FAM199X: variants seen among roughly 807,000 people sequenced by gnomAD.
The protein encoded by FAM199X is family with sequence similarity 199, X-linked.
Under a neutral mutation model 22.9 loss-of-function variants are expected in FAM199X, and 4 were observed. The ratio of observed to expected loss-of-function variants is 0.17; its 90% CI spans 0.09 to 0.40. The LOEUF (loss-of-function observed/expected upper bound fraction) is 0.40. Among genes scored for constraint, FAM199X ranks in the 10% least tolerant of loss-of-function variants. The pLI is 1.00. For missense variants in FAM199X, 183 were observed against 306.8 expected (o/e 0.60, Z 3.01); for synonymous variants, 101 against 112.3 (o/e 0.90, Z 0.64).
At chrX:104,184,664 T>C (rs377265793) in intron 2 of FAM199X, among the ~76,000 whole-genome samples, 1 of 111,778 alleles carries the variant, frequency 8.9e-6, no homozygotes, top group Non-Finnish European at 1.9e-5. Flanking sequence ...AGGCTTGCTT[T>C]TATTCCTCCT....
At chrX:104,159,379 T>C in the FAM199X span, among the ~76,000 whole-genome samples, 17 of 112,650 alleles carry the variant, frequency 1.5e-4, no homozygotes, top group South Asian at 3.7e-4. Flanking sequence ...CTGGGCATCT[T>C]GCCCTAATGG....
At chrX:104,179,529 A>G (rs1556377304) in intron 2 of FAM199X, among the ~76,000 whole-genome samples, 1 of 112,194 alleles carries the variant, frequency 8.9e-6, no homozygotes, top group Non-Finnish European at 1.9e-5. Flanking sequence ...GTTAGATTTA[A>G]TAATTTTTTC....
At chrX:104,173,155 G>C (rs1430414001) in intron 1 of FAM199X, among the ~76,000 whole-genome samples, 5 of 110,920 alleles carry the variant, frequency 4.5e-5, no homozygotes, top group African/African-American at 1.6e-4. Flanking sequence ...ACTTTTTGTA[G>C]AGATACTGTC....
intron 1 of FAM199X, among the ~76,000 whole-genome samples, chrX:104,173,909 A>T (rs1036683963): frequency 1.8e-5 from 2 of 112,348 alleles, no homozygotes; most frequent in Non-Finnish European, 3.7e-5. Context: ...ATAGGAAAAC[A>T]CCATAGCGAA....
At chrX:104,178,926 G>A (rs782117523) in intron 2 of FAM199X, among the ~76,000 whole-genome samples, 6 of 111,201 alleles carry the variant, frequency 5.4e-5, no homozygotes, top group South Asian at 7.6e-4. Flanking sequence ...CCAGGAGTTC[G>A]AAACCAGCCT....
At position 104,176,344 on chromosome X, in the gene FAM199X, T is replaced by C. The variant is rs782453373; in HGVS notation, c.417+502T>C. 5.3e-5 allele frequency among the ~76,000 whole-genome samples: 6 copies of C among 112,468 alleles called. No individual in the cohort carries two copies. In the South Asian group the frequency reaches 2.2e-3, roughly 40 times the overall value. On this transcript the variant is annotated intron_variant, in intron 2 of 5. Transcript: ENST00000493442. ...CTTTTTTCTTGTGGCATATATACCATGTAAAATGGCTTTGTGGTAAATTGT... is the reference window on the plus strand; with the variant it reads ...CTTTTTTCTTGTGGCATATATACCACGTAAAATGGCTTTGTGGTAAATTGT...
chrX:104,165,228 G>T (rs1305130744), upstream of FAM199X, among the ~76,000 whole-genome samples: 3 of 112,589 alleles, frequency 2.7e-5, no homozygotes, highest in Non-Finnish European at 5.6e-5. Context: ...AAGAAAGCCG[G>T]CATGCTCAAC....
intron 2 of FAM199X, among the ~76,000 whole-genome samples, chrX:104,183,528 G>A (rs1921715169): frequency 9.1e-6 from 1 of 109,530 alleles, no homozygotes; most frequent in Non-Finnish European, 1.9e-5. Context: ...GCAGTGGCAC[G>A]ATCTCGGCTC....
Position 104,188,757 on chromosome X carries a change from A to G in FAM199X, c.996+451A>G, listed in dbSNP as rs549566828. On this transcript the variant is annotated intron_variant, in intron 5 of 5. Transcript: ENST00000493442. ...CTAATTTAAAAATCTAATACTTTCT[A>G]TAATTTCTGTCTACTCTTTTCACAG... 2.7e-4 allele frequency among the ~76,000 whole-genome samples: 30 copies of G among 111,217 alleles called. No homozygotes were observed. The South Asian group carries it at 8.2e-3, about 31-fold the overall frequency.
At position 104,186,740 on chromosome X, in the gene FAM199X, A is replaced by G. The variant is rs913596623; in HGVS notation, c.729+119A>G. On this transcript the variant is annotated intron_variant, in intron 4 of 5. Coordinates refer to ENST00000493442, the MANE Select transcript of FAM199X (RefSeq NM_207318.4). The stretch of plus-strand genomic sequence containing the variant: ...TTAAGGCCAAAATCACTGCTGCGAA[A>G]GGTAATATTAGAAAAAATGATGGCA... 80 of 613,691 alleles carry G rather than the reference A, an allele frequency of 1.3e-4. No homozygotes were observed. In the African/African-American group the frequency reaches 1.7e-3, roughly 13 times the overall value. 50.6% of individuals were successfully genotyped at this position (613,691 alleles called of 1,213,427 possible).
At position 104,166,976 on chromosome X, in the gene FAM199X, C is replaced by T. The variant is rs782743789; in HGVS notation, c.191C>T (p.Thr64Ile). The T allele has an allele frequency of 2.2e-5, 25 of 1,158,643 alleles. No individual in the cohort carries two copies. Among genetic ancestry groups the T allele is most frequent in the Non-Finnish European group, 2.9e-5 (25 of 867,302 alleles). The stretch of plus-strand genomic sequence containing the variant: ...ACCGACCCGCTCCACCGCTTCCACA[C>T]CAACAGGTACGAACTGCACCTGAGG... ...HRTDPLHRFHTNRWNLTSCGT... is the reference protein window; with the variant it reads ...HRTDPLHRFHINRWNLTSCGT... The change falls in exon 1 of 6, where the codon ACC becomes ATC. Residue 64 changes from threonine (T) to isoleucine (I), a missense_variant. Physicochemically the swap from Thr to Ile is moderately conservative, Grantham distance 89 (BLOSUM62 -1). Coordinates refer to ENST00000493442, the MANE Select transcript of FAM199X (RefSeq NM_207318.4).
At chrX:104,187,984 T>C (rs1237425069) in intron 4 of FAM199X, 56 bp from the exon 5 acceptor site, 1 of 1,166,414 alleles carries the variant, frequency 8.6e-7, no homozygotes, top group Non-Finnish European at 1.2e-6. Context: ...CCCCAGCATT[T>C]TGAAGGTAGA....
In FAM199X at chrX:104,186,169, G is replaced by C. The variant is rs370616867; in HGVS notation, c.521G>C (p.Arg174Pro). ...CTTCCTAAAAAGAAAAACAAGCACC[G>C]GAATTTAGATGAACTCCCTTGGAGT... ...CLLPKKKNKH[R>P]NLDELPWSAM... Residue 174 changes from arginine to proline, a missense_variant, in exon 3 of 6, where the codon CGG becomes CCG. Coordinates refer to ENST00000493442, the MANE Select transcript of FAM199X (RefSeq NM_207318.4). The C allele has an allele frequency of 8.3e-7, 1 of 1,210,632 alleles. No homozygotes were observed. Among genetic ancestry groups the C allele is most frequent in the East Asian group, 3.0e-5 (1 of 33,822 alleles).
chrX:104,188,816 TA>T (rs112371054), intron 5 of FAM199X, among the ~76,000 whole-genome samples: 5 of 103,000 alleles, frequency 4.9e-5, no homozygotes, highest in Admixed American at 1.1e-4. Flanking sequence ...GTCGGGCACT[TA>T]AAAAAAAAAA....
chrX:104,163,746 C>A (rs1234472311), upstream of FAM199X, among the ~76,000 whole-genome samples: 9 of 101,176 alleles, frequency 8.9e-5, no homozygotes, highest in Admixed American at 6.5e-4. Flanking sequence ...AGACTTACTG[C>A]AACCTCCACC....
chrX:104,167,900 G>C (rs1921254896), intron 1 of FAM199X, among the ~76,000 whole-genome samples: 1 of 109,567 alleles, frequency 9.1e-6, no homozygotes, highest in Non-Finnish European at 1.9e-5. Context: ...AAGGGCTGGG[G>C]GGGTGTGTGG....
intron 5 of FAM199X, among the ~76,000 whole-genome samples, chrX:104,188,781 A>G (rs1921865096): frequency 9.6e-6 from 1 of 104,282 alleles, no homozygotes; most frequent in South Asian, 4.5e-4. Flanking sequence ...CTCTTTTCAC[A>G]GTTGAGAAAG....
chrX:104,183,290 G>A (rs1277000337), intron 2 of FAM199X, among the ~76,000 whole-genome samples: 2 of 107,966 alleles, frequency 1.9e-5, no homozygotes, highest in African/African-American at 6.8e-5. Flanking sequence ...TTTCTGATGT[G>A]ATTTGAAGTC....
At chrX:104,185,490 T>G (rs1484115956) in intron 2 of FAM199X, among the ~76,000 whole-genome samples, 2 of 112,382 alleles carry the variant, frequency 1.8e-5, no homozygotes, top group African/African-American at 6.5e-5. Flanking sequence ...TTCAAAAACA[T>G]CTTTCATTGA....
Sources: gnomAD v4.1 joint callset for allele counts (sites outside exome capture counted in the v4.1 genomes callset) on GRCh38, gnomAD v4.1.1 for gene constraint, MANE v1.5 for transcripts, NCBI Gene and HGNC (gene_info 2026-07-23, HGNC 2026-07-21) for gene names.